MIS18BP1: variants seen among roughly 807,000 people sequenced by gnomAD.
MIS18BP1 encodes mis18-binding protein 1.
In MIS18BP1, 72 loss-of-function variants were observed where a neutral mutation model predicts 116.1. The ratio of observed to expected loss-of-function variants is 0.62; its 90% CI spans 0.51 to 0.75. MIS18BP1 has a LOEUF of 0.75. MIS18BP1 is among the 30% of genes least tolerant of loss of function. The pLI is 0.00. For synonymous variants in MIS18BP1, 386 were observed against 427.0 expected (o/e 0.90, Z 1.18); for missense variants, 1,363 against 1,303.2 (o/e 1.05, Z -0.71).
rs1594530014 is a variant in MIS18BP1, at chr14:45,247,296, A to G, written c.-10T>C. ...AAGGTGTTGCAATCATCTTGACAAG[A>G]AAGTAGCAACCAAGTTCTTCTAACA... is the stretch of plus-strand genomic sequence containing the variant. On this transcript the variant is annotated 5_prime_UTR_variant, in exon 2 of 17. Coordinates refer to ENST00000310806, the MANE Select transcript of MIS18BP1 (RefSeq NM_018353.5). 1 of 1,524,046 alleles carries G rather than the reference A, an allele frequency of 6.6e-7. No homozygotes were observed. The highest frequency in any genetic ancestry group is 8.8e-7 in the Non-Finnish European group (1 of 1,142,236). 94.4% of individuals were successfully genotyped at this position (1,524,046 alleles called of 1,614,324 possible). A position where few individuals can be genotyped will look rare whatever the true frequency, so the allele number is the denominator to read the frequency against.
chr14:45,220,121 C>G (rs1033904898), intron 11 of MIS18BP1, among the ~76,000 whole-genome samples: 3 of 151,428 alleles, frequency 2.0e-5, no homozygotes, highest in Non-Finnish European at 4.4e-5. Context: ...TTTAAAGAGA[C>G]AGGGTCTCAA....
intron 11 of MIS18BP1, among the ~76,000 whole-genome samples, chr14:45,221,159 C>T (rs1890961573): frequency 6.6e-6 from 1 of 150,390 alleles, no homozygotes. Context: ...ATAAAAGAAG[C>T]CGGGCGCGGT....
chr14:45,214,240 T>C (rs967088053), intron 13 of MIS18BP1, among the ~76,000 whole-genome samples: 2 of 152,224 alleles, frequency 1.3e-5, no homozygotes, highest in Non-Finnish European at 2.9e-5. Flanking sequence ...GGCAATAGAA[T>C]ATCTCAGTGT....
chr14:45,220,612 C>CT (rs1890946888), intron 11 of MIS18BP1, among the ~76,000 whole-genome samples: 1 of 152,014 alleles, frequency 6.6e-6, no homozygotes, highest in African/African-American at 2.4e-5. Context: ...TTTGAGTTGG[C>CT]TTTTTTCACT....
Position 45,224,241 on chromosome 14 carries a change from A to C in MIS18BP1, c.2346T>G (p.Ile782Met). Reference sequence around the variant, plus strand: ...TTTTCTTAACTTCAGCTTTCCTTTTAATTTCCTTTTCTGTTTCACTTTCTT... The same window carrying C: ...TTTTCTTAACTTCAGCTTTCCTTTTCATTTCCTTTTCTGTTTCACTTTCTT... ...SSEESETEKE[I>M]KRKAEVKKTK... Residue 782 changes from isoleucine (I) to methionine (M), a missense_variant, in exon 11 of 17, where the codon ATT becomes ATG. Physicochemically the swap from Ile to Met is conservative, Grantham distance 10. Coordinates refer to ENST00000310806, the MANE Select transcript of MIS18BP1 (RefSeq NM_018353.5). The C allele has an allele frequency of 6.2e-7, 1 of 1,613,596 alleles. No homozygotes were observed. Among genetic ancestry groups the C allele is most frequent in the East Asian group, 2.2e-5 (1 of 44,844 alleles).
At chr14:45,245,514 G>T (rs563153810) in intron 2 of MIS18BP1, among the ~76,000 whole-genome samples, 9 of 151,900 alleles carry the variant, frequency 5.9e-5, no homozygotes, top group African/African-American at 1.9e-4. Flanking sequence ...ACAAGCATGC[G>T]CCATCAAGCC....
chr14:45,204,296 G>T (rs1483957658), intron 16 of MIS18BP1, 84 bp from the exon 17 acceptor site: 1 of 1,534,374 alleles, frequency 6.5e-7, no homozygotes, highest in Non-Finnish European at 8.8e-7. Context: ...GGAATAAAAT[G>T]CTAAGTCTGT....
At chr14:45,232,561 G>T in intron 7 of MIS18BP1, 172 bp downstream of exon 7, 1 of 590,738 alleles carries the variant, frequency 1.7e-6, no homozygotes, top group Non-Finnish European at 3.1e-6. Context: ...TTGGGAGGCT[G>T]AGACAGGCGG....
intron 14 of MIS18BP1, among the ~76,000 whole-genome samples, chr14:45,207,513 C>T (rs531301969): frequency 9.2e-5 from 14 of 152,084 alleles, no homozygotes; most frequent in East Asian, 3.9e-4. Flanking sequence ...TAGCCAGGCA[C>T]GGTGGCATGC....
chr14:45,233,023 A>C (rs1891331595), intron 6 of MIS18BP1, among the ~76,000 whole-genome samples: 1 of 152,204 alleles, frequency 6.6e-6, no homozygotes, highest in Non-Finnish European at 1.5e-5. Context: ...TGTGGAAAAA[A>C]GTAGCTAACC....
At chr14:45,249,741 C>G (rs938009563) in intron 1 of MIS18BP1, among the ~76,000 whole-genome samples, 11 of 152,076 alleles carry the variant, frequency 7.2e-5, no homozygotes, top group Non-Finnish European at 1.5e-4. Flanking sequence ...TGTGGTGGCA[C>G]ATGCCTGTAG....
At chr14:45,218,990 A>C (rs1890899650) in intron 11 of MIS18BP1, among the ~76,000 whole-genome samples, 3 of 152,142 alleles carry the variant, frequency 2.0e-5, no homozygotes. Flanking sequence ...GAAATAGAGA[A>C]AACTATAAGG....
chr14:45,224,533 T>C lies in MIS18BP1; in HGVS notation c.2054A>G (p.Glu685Gly), dbSNP rs1319360671. ...GCTGATGGGACTTTTTTTTTGACAC[T>C]CTGGTATTACAAAATCTGTTACTGC... ...IKAVTDFVIP[E>G]CQKKSPISKS... The change falls in exon 11 of 17, where the codon GAG becomes GGG. Residue 685 changes from glutamate to glycine, a missense_variant. By Grantham distance (98) the Glu-to-Gly change is moderately conservative. Coordinates refer to ENST00000310806, the MANE Select transcript of MIS18BP1 (RefSeq NM_018353.5). 6.2e-7 allele frequency: 1 copy of C among 1,612,576 alleles called. No individual in the cohort carries two copies. Among genetic ancestry groups the C allele is most frequent in the Non-Finnish European group, 8.5e-7 (1 of 1,179,624 alleles).
At chr14:45,251,074 T>A (rs530618871) in intron 1 of MIS18BP1, among the ~76,000 whole-genome samples, 2 of 150,912 alleles carry the variant, frequency 1.3e-5, no homozygotes, top group African/African-American at 4.9e-5. Flanking sequence ...GCCATAAGCA[T>A]TTATAGTACA....
At chr14:45,249,384 G>GT (rs1012633179) in intron 1 of MIS18BP1, among the ~76,000 whole-genome samples, 18 of 151,924 alleles carry the variant, frequency 1.2e-4, no homozygotes, top group Middle Eastern at 3.2e-3. Flanking sequence ...CCTGAGTTAT[G>GT]TTTTTTTACA....
At chr14:45,214,880 T>C (rs1890773431) in intron 13 of MIS18BP1, among the ~76,000 whole-genome samples, 1 of 152,206 alleles carries the variant, frequency 6.6e-6, no homozygotes, top group Non-Finnish European at 1.5e-5. Flanking sequence ...GCATCCCCAG[T>C]AGCTGGGATT....
Position 45,210,376 on chromosome 14 carries a change from T to C in MIS18BP1, c.3152+4A>G, listed in dbSNP as rs1890642501. ...ATTAACATATCATATGCATGAATATTTACCTATTTATAGAACCTAGCATGC... is the reference window on the plus strand; with the variant it reads ...ATTAACATATCATATGCATGAATATCTACCTATTTATAGAACCTAGCATGC... On this transcript the variant is annotated splice_donor_region_variant and intron_variant, in intron 14 of 16. Transcript: ENST00000310806. 6.2e-7 allele frequency: 1 copy of C among 1,612,546 alleles called. No homozygotes were observed. Among genetic ancestry groups the C allele is most frequent in the South Asian group, 1.1e-5 (1 of 90,914 alleles).
At position 45,206,745 on chromosome 14, in the gene MIS18BP1, T is replaced by C. The variant is rs1356990383; in HGVS notation, c.3153-575A>G. Among the ~76,000 whole-genome samples, 19 of 152,108 alleles carry C rather than the reference T, an allele frequency of 1.2e-4. No homozygotes were observed. The East Asian group carries it at 3.7e-3, about 29-fold the overall frequency. On this transcript the variant is annotated intron_variant, in intron 14 of 16. Coordinates refer to ENST00000310806, the MANE Select transcript of MIS18BP1 (RefSeq NM_018353.5). ...AAATTATGCTTTGCTTACCGTTCAT[T>C]GTACCGTCTACGCTCTTTCCGGTAT...
intron 5 of MIS18BP1, among the ~76,000 whole-genome samples, chr14:45,237,147 G>A (rs1891452398): frequency 6.6e-6 from 1 of 151,888 alleles, no homozygotes; most frequent in Admixed American, 6.6e-5. Context: ...TAATAGAGTA[G>A]CAGAATTAGG....
Sources: gnomAD v4.1 joint callset for allele counts (sites outside exome capture counted in the v4.1 genomes callset) on GRCh38, gnomAD v4.1.1 for gene constraint, MANE v1.5 for transcripts, NCBI Gene and HGNC (gene_info 2026-07-23, HGNC 2026-07-21) for gene names.